Variants in NFATC1 observed in about 807,000 individuals in gnomAD.
The protein encoded by NFATC1 is nuclear factor of activated T-cells, cytoplasmic 1.
Under a neutral mutation model 76.0 loss-of-function variants are expected in NFATC1, and 22 were observed. That is an observed-to-expected ratio of 0.29 (90% CI 0.21 to 0.41). NFATC1 has a LOEUF of 0.41. Among genes scored for constraint, NFATC1 ranks in the 10% least tolerant of loss-of-function variants. The pLI is 1.00. For synonymous variants in NFATC1, 704 were observed against 613.1 expected (o/e 1.15, Z -2.19); for missense variants, 1,357 against 1,337.7 (o/e 1.01, Z -0.23).
chr18:79,451,077 C>T lies in NFATC1; in HGVS notation c.1713C>T (p.Pro571=), dbSNP rs770879820. ...TGTTCCGCGTTCACGTCCCGCAACC[C>T]AGCGGCCGCACGCTGTCCCTGCAGG... ...RLVFRVHVPQ[P]SGRTLSLQVA... Residue 571 remains proline, a synonymous_variant, in exon 5 of 10, where the codon CCC becomes CCT. Coordinates refer to ENST00000427363, the MANE Select transcript of NFATC1 (RefSeq NM_001278669.2). 1.2e-6 allele frequency: 2 copies of T among 1,613,228 alleles called. No homozygotes were observed. The highest frequency in any genetic ancestry group is 1.7e-6 in the Non-Finnish European group (2 of 1,179,952).
chr18:79,473,689 T>G (rs890626756), intron 8 of NFATC1, among the ~76,000 whole-genome samples: 2 of 147,684 alleles, frequency 1.4e-5, no homozygotes, highest in Non-Finnish European at 3.0e-5. Context: ...GGGAAGCGTG[T>G]TCTCACACTC....
intron 8 of NFATC1, chr18:79,469,509 C>A: frequency 1.0e-6 from 1 of 985,698 alleles, no homozygotes; most frequent in South Asian, 4.7e-5. Flanking sequence ...CAGTCCACAC[C>A]CCACCTGGCA....
At chr18:79,482,647 T>G (rs2089326833) in intron 8 of NFATC1, among the ~76,000 whole-genome samples, 1 of 124,920 alleles carries the variant, frequency 8.0e-6, no homozygotes. Context: ...ACCTCGTTCC[T>G]GGGGTGTAAT....
intron 9 of NFATC1, among the ~76,000 whole-genome samples, chr18:79,515,354 AAAAAG>A (rs1193191083): frequency 2.6e-5 from 4 of 151,260 alleles, no homozygotes; most frequent in African/African-American, 7.3e-5. Context: ...AAAAAAAAAA[AAAAAG>A]AAGGAAGGCA....
At chr18:79,499,576 G>A (rs543133768) in intron 9 of NFATC1, among the ~76,000 whole-genome samples, 34 of 152,320 alleles carry the variant, frequency 2.2e-4, no homozygotes, top group Non-Finnish European at 4.6e-4. Context: ...AAAGGTAGAT[G>A]TTGTCAGACT....
chr18:79,440,973 C>T lies in NFATC1; in HGVS notation c.1386+7235C>T, dbSNP rs887939510. Among the ~76,000 whole-genome samples, 10 of 152,322 alleles carry T rather than the reference C, an allele frequency of 6.6e-5. No individual in the cohort carries two copies. In the East Asian group the frequency reaches 1.4e-3, roughly 21 times the overall value. On this transcript the variant is annotated intron_variant, in intron 3 of 9. Transcript: ENST00000427363. Reference sequence around the variant, plus strand: ...TGCCCGTCTGGGCTGGGCTCGTGTCCGTGGACCTGCCTCAAGCCACACCTC... The same window carrying T: ...TGCCCGTCTGGGCTGGGCTCGTGTCTGTGGACCTGCCTCAAGCCACACCTC...
intron 6 of NFATC1, among the ~76,000 whole-genome samples, chr18:79,458,943 T>C (rs1288854195): frequency 1.3e-4 from 20 of 152,246 alleles, no homozygotes; most frequent in Admixed American, 1.3e-3. Flanking sequence ...AGACAATTAC[T>C]TTATGATCCT....
Position 79,465,405 on chromosome 18 carries a change from C to T in NFATC1, c.1960-2045C>T, listed in dbSNP as rs2088426202. Among the ~76,000 whole-genome samples the T allele has an allele frequency of 1.3e-5, 2 of 152,106 alleles. No individual in the cohort carries two copies. Among genetic ancestry groups the T allele is most frequent in the Admixed American group, 6.5e-5 (1 of 15,280 alleles). On this transcript the variant is annotated intron_variant, in intron 7 of 9. Transcript: ENST00000427363. The surrounding 1 kb of genome is among the most constrained non-coding windows in gnomAD (Gnocchi z 4.2). ...CCACCTCCACCCATCCAGCCTGCCT[C>T]ACGGGGTCCCCGCCTCCACCCAGTC...
intron 1 of NFATC1, chr18:79,400,255 C>T (rs1441979270): frequency 3.9e-6 from 4 of 1,030,288 alleles, no homozygotes; most frequent in Non-Finnish European, 4.7e-6. Context: ...GGAAACGCCC[C>T]GGGGGGCGGG....
At chr18:79,475,051 C>T (rs558436713) in intron 8 of NFATC1, among the ~76,000 whole-genome samples, 30 of 98,468 alleles carry the variant, frequency 3.0e-4, no homozygotes, top group Admixed American at 2.7e-3. Flanking sequence ...TCACTGTCGA[C>T]GTTGTAAACC....
At chr18:79,477,203 T>C (rs1160277680) in intron 8 of NFATC1, among the ~76,000 whole-genome samples, 1 of 152,392 alleles carries the variant, frequency 6.6e-6, no homozygotes, top group African/African-American at 2.4e-5. Context: ...TGGTTGTTTA[T>C]GTTGATGGCA....
At chr18:79,420,366 G>A (rs900862329) in intron 2 of NFATC1, among the ~76,000 whole-genome samples, 8 of 140,420 alleles carry the variant, frequency 5.7e-5, no homozygotes, top group Non-Finnish European at 9.1e-5. Context: ...AGGTGACGTC[G>A]CTGCAGAGAG....
intron 7 of NFATC1, among the ~76,000 whole-genome samples, chr18:79,462,939 G>C (rs1374890894): frequency 2.0e-5 from 3 of 152,126 alleles, no homozygotes; most frequent in Non-Finnish European, 4.4e-5. Context: ...GGACACCGGG[G>C]AGGAGTCTTG....
chr18:79,418,235 C>T (rs138267701), intron 2 of NFATC1, among the ~76,000 whole-genome samples: 43 of 152,246 alleles, frequency 2.8e-4, no homozygotes, highest in Non-Finnish European at 5.3e-4. Context: ...CCATGCCTTG[C>T]GACGCTCTGT....
In NFATC1 at chr18:79,528,710, T is replaced by G. The variant is rs2090830101; in HGVS notation, c.*1133T>G. On this transcript the variant is annotated 3_prime_UTR_variant, in exon 10 of 10. Transcript: ENST00000427363. Reference sequence around the variant, plus strand: ...TTGTTTCACAGAAGCCTTACCACTCTCTGCTTCATCTAAGAAAACCAATAC... The same window carrying G: ...TTGTTTCACAGAAGCCTTACCACTCGCTGCTTCATCTAAGAAAACCAATAC... 6.6e-6 allele frequency: 1 copy of G among 152,236 alleles called. No homozygotes were observed. Among genetic ancestry groups the G allele is most frequent in the Non-Finnish European group, 1.5e-5 (1 of 68,042 alleles). The allele number at this position is 152,236 out of a possible 1,614,324, so 9.4% of individuals were successfully genotyped here.
At chr18:79,495,426 G>C (rs752031827) in intron 9 of NFATC1, among the ~76,000 whole-genome samples, 1 of 152,250 alleles carries the variant, frequency 6.6e-6, no homozygotes, top group Non-Finnish European at 1.5e-5. Context: ...AAATTTGGGG[G>C]TATCATTTTC....
chr18:79,473,776 G>A (rs892011452), intron 8 of NFATC1, among the ~76,000 whole-genome samples: 10 of 148,870 alleles, frequency 6.7e-5, no homozygotes, highest in African/African-American at 1.0e-4. Flanking sequence ...TCACGCTGTC[G>A]ACATAAACCT....
At chr18:79,459,113 C>T (rs1242853657) in intron 6 of NFATC1, among the ~76,000 whole-genome samples, 1 of 152,218 alleles carries the variant, frequency 6.6e-6, no homozygotes, top group Non-Finnish European at 1.5e-5. Context: ...TTGTCGGTTC[C>T]CCGCACTTTT....
chr18:79,416,715 C>T (rs138774814), intron 2 of NFATC1, among the ~76,000 whole-genome samples: 2 of 152,338 alleles, frequency 1.3e-5, no homozygotes, highest in African/African-American at 4.8e-5. Flanking sequence ...CACTGCGTCT[C>T]CCTGTAAGCC....
Sources: gnomAD v4.1 joint callset for allele counts (sites outside exome capture counted in the v4.1 genomes callset) on GRCh38, gnomAD v4.1.1 for gene constraint, Gnocchi (gnomAD v3.1) non-coding constraint, MANE v1.5 for transcripts, NCBI Gene and HGNC (gene_info 2026-07-23, HGNC 2026-07-21) for gene names.